Variants in SACM1L observed in about 807,000 individuals in gnomAD.
SACM1L encodes SAC1 like phosphatidylinositide phosphatase.
A neutral mutation model predicts 89.5 loss-of-function variants in SACM1L; 32 were observed. The ratio of observed to expected loss-of-function variants is 0.36; its 90% CI spans 0.27 to 0.48. The LOEUF (loss-of-function observed/expected upper bound fraction) is 0.48, where lower values mean the gene tolerates loss of function less well. Ranked by LOEUF, SACM1L falls within the 20% of genes least tolerant of loss-of-function variation. SACM1L has a pLI of 0.99. For missense variants in SACM1L, 543 were observed against 708.5 expected (o/e 0.77, Z 2.65); for synonymous variants, 213 against 232.8 (o/e 0.92, Z 0.77).
chr3:45,736,558 A>G (rs1191649015), intron 14 of SACM1L, among the ~76,000 whole-genome samples: 1 of 152,172 alleles, frequency 6.6e-6, no homozygotes, highest in East Asian at 1.9e-4. Flanking sequence ...CACCTGCCAG[A>G]GGAGTGCTGT....
chr3:45,707,331 T>C (rs1698422244), intron 4 of SACM1L: 1 of 157,102 alleles, frequency 6.4e-6, no homozygotes, highest in African/African-American at 2.4e-5. Flanking sequence ...TTATGAAATG[T>C]GTATATATTC....
At chr3:45,743,435 A>G in intron 19 of SACM1L, 98 bp from the exon 20 acceptor site, 3 of 1,229,580 alleles carry the variant, frequency 2.4e-6, no homozygotes, top group Non-Finnish European at 2.3e-6. Context: ...TGAATGTGCT[A>G]GTAAACTTTA....
intron 7 of SACM1L, among the ~76,000 whole-genome samples, chr3:45,715,268 A>C (rs899974126): frequency 1.3e-5 from 2 of 152,230 alleles, no homozygotes; most frequent in Non-Finnish European, 2.9e-5. Context: ...GAAGCTTATC[A>C]ATACAAGTCT....
intron 11 of SACM1L, among the ~76,000 whole-genome samples, chr3:45,724,659 C>A (rs1334405598): frequency 6.6e-6 from 1 of 151,984 alleles, no homozygotes; most frequent in Non-Finnish European, 1.5e-5. Flanking sequence ...TCTAGTTTTT[C>A]TTTTGTTGCC....
rs117947154 is a variant in SACM1L, at chr3:45,701,559, T to C, written c.33-1879T>C. Among the ~76,000 whole-genome samples the C allele has an allele frequency of 1.6e-3, 245 of 152,360 alleles. 1 individual carries two copies. The East Asian group carries it at 0.04, about 25-fold the overall frequency. On this transcript the variant is annotated intron_variant, in intron 1 of 19. Coordinates refer to ENST00000389061, the MANE Select transcript of SACM1L (RefSeq NM_014016.5). ...TAAGACTAGATGTCTCGAATTTCTTTATATTTCTTTGGTTTTAGGACCTTT... is the reference window on the plus strand; with the variant it reads ...TAAGACTAGATGTCTCGAATTTCTTCATATTTCTTTGGTTTTAGGACCTTT...
At position 45,719,538 on chromosome 3, in the gene SACM1L, TTTGA is replaced by T. The variant is rs1698741088; in HGVS notation, c.620_623del (p.Asp207GlyfsTer18). On this transcript the variant is annotated frameshift_variant, in exon 8 of 20. Transcript: ENST00000389061. LOFTEE classifies it high-confidence loss of function. ...TTCATGTTCTATTAATGGAAAATAC[TTTGA>T]TTGGATTCTCATCTCGAGGAGGAGC... 5 of 1,612,202 alleles carry T rather than the reference TTTGA, an allele frequency of 3.1e-6. No homozygotes were observed. The highest frequency in any genetic ancestry group is 1.3e-5 in the African/African-American group (1 of 75,020).
intron 11 of SACM1L, among the ~76,000 whole-genome samples, chr3:45,728,962 C>G (rs1430750330): frequency 6.6e-6 from 1 of 152,172 alleles, no homozygotes; most frequent in Admixed American, 6.5e-5. Flanking sequence ...ATGTGAGCCA[C>G]CATTCCTGAC....
At chr3:45,708,113 G>A (rs565021941) in intron 4 of SACM1L, among the ~76,000 whole-genome samples, 23 of 152,020 alleles carry the variant, frequency 1.5e-4, no homozygotes, top group East Asian at 9.7e-4. Flanking sequence ...AATTTTTAAA[G>A]GTCATGAAAC....
chr3:45,692,463 A>G (rs778317224), intron 1 of SACM1L, among the ~76,000 whole-genome samples: 1 of 152,100 alleles, frequency 6.6e-6, no homozygotes, highest in East Asian at 1.9e-4. Flanking sequence ...ATCTGGGACT[A>G]CAGGTGCACA....
At chr3:45,743,477 C>T in intron 19 of SACM1L, 56 bp from the exon 20 acceptor site, 1 of 1,514,308 alleles carries the variant, frequency 6.6e-7, no homozygotes, top group Non-Finnish European at 8.9e-7. Context: ...CAGCTGAAAA[C>T]TGGGTCTGAT....
intron 7 of SACM1L, among the ~76,000 whole-genome samples, chr3:45,716,453 C>T (rs969049535): frequency 5.3e-5 from 8 of 152,210 alleles, no homozygotes; most frequent in Non-Finnish European, 8.8e-5. Flanking sequence ...TGGGTGACAG[C>T]GCAAGACCTC....
chr3:45,698,143 A>G (rs1297396004), intron 1 of SACM1L, among the ~76,000 whole-genome samples: 1 of 152,252 alleles, frequency 6.6e-6, no homozygotes, highest in Non-Finnish European at 1.5e-5. Flanking sequence ...AGCATAAAAC[A>G]TAGAATAAAA....
chr3:45,731,319 G>A lies in SACM1L; in HGVS notation c.940G>A (p.Glu314Lys). The A allele has an allele frequency of 6.2e-7, 1 of 1,612,888 alleles. No individual in the cohort carries two copies. Among genetic ancestry groups the A allele is most frequent in the Non-Finnish European group, 8.5e-7 (1 of 1,179,146 alleles). Residue 314 changes from glutamate (E) to lysine (K), a missense_variant, in exon 12 of 20, where the codon GAG becomes AAG. This residue lies in a region of SACM1L where 370 missense variants were observed against 527.6 expected (regional missense o/e 0.70). Transcript: ENST00000389061. Reference sequence around the variant, plus strand: ...TTTACAGATTAACCAGAAGGGCTCGGAGAAGCCACTTGAGCAGACATTTGC... The same window carrying A: ...TTTACAGATTAACCAGAAGGGCTCGAAGAAGCCACTTGAGCAGACATTTGC... ...IINLINQKGS[E>K]KPLEQTFATM...
Position 45,703,445 on chromosome 3 carries a change from A to C in SACM1L, c.40A>C (p.Thr14Pro). The change falls in exon 2 of 20, where the codon ACA becomes CCA. Residue 14 changes from threonine to proline, a missense_variant. Transcript: ENST00000389061. ...TTTTACATTTCTTCTTAGGCATATC[A>C]CACCTGAAAAATTTTATGTGGAAGC... ...AAYEQLKLHI[T>P]PEKFYVEACD... The C allele has an allele frequency of 6.2e-7, 1 of 1,610,714 alleles. No homozygotes were observed. Among genetic ancestry groups the C allele is most frequent in the Non-Finnish European group, 8.5e-7 (1 of 1,177,172 alleles).
At chr3:45,721,915 C>T in intron 8 of SACM1L, 85 bp from the exon 9 acceptor site, 3 of 872,342 alleles carry the variant, frequency 3.4e-6, no homozygotes, top group Non-Finnish European at 5.6e-6. Flanking sequence ...ACTTAATTCT[C>T]TCCAAGTTAA....
intron 3 of SACM1L, among the ~76,000 whole-genome samples, 183 bp from the exon 4 acceptor site, chr3:45,706,597 C>T (rs1326397009): frequency 6.6e-6 from 1 of 152,074 alleles, no homozygotes; most frequent in Non-Finnish European, 1.5e-5. Flanking sequence ...AAGAATTTTT[C>T]TAAATAATAT....
In SACM1L at chr3:45,703,480, T is replaced by G. The variant is rs779486295; in HGVS notation, c.75T>G (p.Asp25Glu). 2 of 1,613,236 alleles carry G rather than the reference T, an allele frequency of 1.2e-6. No individual in the cohort carries two copies. Among genetic ancestry groups the G allele is most frequent in the Admixed American group, 3.3e-5 (2 of 59,980 alleles). ...AATTTTATGTGGAAGCTTGTGATGA[T>G]GGAGCAGATGACGTACTTACCATTG... is the stretch of plus-strand genomic sequence containing the variant. ...PEKFYVEACD[D>E]GADDVLTIDR... The change falls in exon 2 of 20, where the codon GAT becomes GAG. Residue 25 changes from aspartate (D) to glutamate (E), a missense_variant. Coordinates refer to ENST00000389061, the MANE Select transcript of SACM1L (RefSeq NM_014016.5).
chr3:45,723,642 G>A, intron 11 of SACM1L, 99 bp downstream of exon 11: 1 of 402,846 alleles, frequency 2.5e-6, no homozygotes, highest in Non-Finnish European at 4.3e-6. Context: ...CAGTTCAGTG[G>A]CATTAAGTAG....
chr3:45,721,414 T>A (rs1212519356), intron 8 of SACM1L, among the ~76,000 whole-genome samples: 1 of 152,122 alleles, frequency 6.6e-6, no homozygotes, highest in Non-Finnish European at 1.5e-5. Context: ...CCCAGCTACT[T>A]GAGAGGCTAA....
Sources: gnomAD v4.1 joint callset for allele counts (sites outside exome capture counted in the v4.1 genomes callset) on GRCh38, gnomAD v4.1.1 for gene constraint, gnomAD v4.1.1 regional missense constraint, MANE v1.5 for transcripts, NCBI Gene and HGNC (gene_info 2026-07-23, HGNC 2026-07-21) for gene names.